CDH13: variants seen among roughly 807,000 people sequenced by gnomAD.
CDH13 encodes the protein cadherin 13, also known as cadherin-13.
CDH13 carries 24 observed loss-of-function variants against 63.8 expected under a neutral mutation model. The ratio of observed to expected loss-of-function variants is 0.38; its 90% CI spans 0.27 to 0.53. The LOEUF (loss-of-function observed/expected upper bound fraction) is 0.53. Ranked by LOEUF, CDH13 falls within the 20% of genes least tolerant of loss-of-function variation. The pLI is 0.85. For synonymous variants in CDH13, 503 were observed against 355.3 expected, an observed-to-expected ratio of 1.42 and a Z score of -4.67; for missense variants, 1,049 against 903.1, an observed-to-expected ratio of 1.16 and a Z score of -2.07.
chr16:83,600,176 G>A (rs1209554046), intron 7 of CDH13, among the ~76,000 whole-genome samples: 1 of 152,204 alleles, frequency 6.6e-6, no homozygotes, highest in Non-Finnish European at 1.5e-5. Context: ...CACCTTCGCA[G>A]ACCAGCGCCG....
intron 7 of CDH13, among the ~76,000 whole-genome samples, chr16:83,489,048 A>G (rs1041492519): frequency 1.7e-4 from 26 of 152,282 alleles, no homozygotes; most frequent in African/African-American, 6.0e-4. Context: ...CAGCTTTTCT[A>G]TAGTCCTTAA....
chr16:82,878,013 C>G (rs557587170), intron 2 of CDH13, among the ~76,000 whole-genome samples: 68 of 151,152 alleles, frequency 4.5e-4, no homozygotes, highest in African/African-American at 1.5e-3. Flanking sequence ...TTCTGCTAAA[C>G]TAATCGAAAG....
intron 1 of CDH13, among the ~76,000 whole-genome samples, chr16:82,775,141 C>T (rs2035438148): frequency 6.6e-6 from 1 of 152,148 alleles, no homozygotes; most frequent in South Asian, 2.1e-4. Context: ...GCTGTCTTAT[C>T]TGTGAAATGA....
chr16:83,248,612 T>A (rs1203181454), intron 5 of CDH13, among the ~76,000 whole-genome samples: 1 of 152,228 alleles, frequency 6.6e-6, no homozygotes, highest in Non-Finnish European at 1.5e-5. Context: ...GTTCCGTTTC[T>A]GTCTCTCAGA....
chr16:83,183,210 G>A (rs2038404953), intron 4 of CDH13, among the ~76,000 whole-genome samples: 1 of 152,186 alleles, frequency 6.6e-6, no homozygotes, highest in Admixed American at 6.5e-5. Flanking sequence ...TGAGTGGGAA[G>A]TGCTTTATTT....
At chr16:82,909,649 C>T (rs1458846967) in intron 2 of CDH13, among the ~76,000 whole-genome samples, 1 of 152,006 alleles carries the variant, frequency 6.6e-6, no homozygotes, top group Non-Finnish European at 1.5e-5. Flanking sequence ...TGGGAACTCC[C>T]ATTTGTAAAA....
intron 7 of CDH13, among the ~76,000 whole-genome samples, chr16:83,584,333 A>G (rs568866109): frequency 5.9e-5 from 9 of 152,304 alleles, no homozygotes; most frequent in Admixed American, 2.0e-4. Flanking sequence ...CATCTCAAAA[A>G]TTTTTAAAAA....
At chr16:83,041,284 G>T (rs1917309693) in intron 3 of CDH13, among the ~76,000 whole-genome samples, 1 of 151,968 alleles carries the variant, frequency 6.6e-6, no homozygotes, top group Non-Finnish European at 1.5e-5. Context: ...AGCTGAAAAG[G>T]CTAAATTTAA....
At chr16:82,806,212 A>G (rs534588669) in intron 1 of CDH13, among the ~76,000 whole-genome samples, 1 of 152,284 alleles carries the variant, frequency 6.6e-6, no homozygotes, top group African/African-American at 2.4e-5. Context: ...TGCAGCTCAG[A>G]GAGAAGACAT....
chr16:82,816,346 C>G (rs1425919408), intron 1 of CDH13, among the ~76,000 whole-genome samples: 1 of 152,046 alleles, frequency 6.6e-6, no homozygotes, highest in African/African-American at 2.4e-5. Flanking sequence ...AGTGGACACA[C>G]AGACAAAAAT....
At chr16:82,789,588 A>G (rs985353487) in intron 1 of CDH13, among the ~76,000 whole-genome samples, 2 of 152,244 alleles carry the variant, frequency 1.3e-5, no homozygotes, top group African/African-American at 4.8e-5. Flanking sequence ...GCACAAGGAT[A>G]GAAACAAATG....
chr16:83,485,050 A>G (rs909441534), intron 6 of CDH13, among the ~76,000 whole-genome samples: 4 of 152,156 alleles, frequency 2.6e-5, no homozygotes, highest in Admixed American at 6.5e-5. Context: ...ACTAATTAAT[A>G]TATCTTGAAG....
intron 1 of CDH13, among the ~76,000 whole-genome samples, chr16:82,674,119 T>G (rs944022236): frequency 6.6e-6 from 1 of 152,192 alleles, no homozygotes; most frequent in Non-Finnish European, 1.5e-5. Flanking sequence ...AAATTCTTGA[T>G]ATGGATGGCA....
At chr16:82,883,667 A>G (rs1324065549) in intron 2 of CDH13, among the ~76,000 whole-genome samples, 1 of 152,204 alleles carries the variant, frequency 6.6e-6, no homozygotes, top group Non-Finnish European at 1.5e-5. Context: ...ATAAATTTGC[A>G]TCTTGCTCAC....
At chr16:83,466,781 T>C (rs568742285) in intron 6 of CDH13, among the ~76,000 whole-genome samples, 81 of 152,330 alleles carry the variant, frequency 5.3e-4, no homozygotes, top group Non-Finnish European at 1.0e-3. Context: ...GTCACTGTTA[T>C]CAGATGCATT....
chr16:82,998,426 T>G (rs2151419433), intron 2 of CDH13, among the ~76,000 whole-genome samples: 1 of 152,344 alleles, frequency 6.6e-6, no homozygotes, highest in South Asian at 2.1e-4. Context: ...TCCTGTTTTT[T>G]TATAGTGACA....
intron 1 of CDH13, among the ~76,000 whole-genome samples, chr16:82,772,311 C>A (rs2035301294): frequency 6.6e-6 from 1 of 152,106 alleles, no homozygotes; most frequent in Non-Finnish European, 1.5e-5. Context: ...TGGAAGCATA[C>A]TGGGGGTCCG....
intron 5 of CDH13, among the ~76,000 whole-genome samples, chr16:83,232,567 A>G (rs76820607): frequency 6.6e-6 from 1 of 150,780 alleles, no homozygotes; most frequent in Non-Finnish European, 1.5e-5. Flanking sequence ...AAAAAAAAAA[A>G]GTGTGGCACC....
intron 4 of CDH13, among the ~76,000 whole-genome samples, chr16:83,152,877 A>T (rs1016032105): frequency 2.0e-5 from 3 of 152,162 alleles, no homozygotes; most frequent in African/African-American, 7.2e-5. Context: ...TCCTTAGAAA[A>T]AGGAAAAATA....
Sources: allele counts gnomAD v4.1 joint callset (sites outside exome capture counted in the v4.1 genomes callset), GRCh38; gene constraint gnomAD v4.1.1; transcripts MANE v1.5; gene names NCBI Gene and HGNC (gene_info 2026-07-23, HGNC 2026-07-21).